Variants in PTK2 observed in about 807,000 individuals in gnomAD.
The protein encoded by PTK2 is focal adhesion kinase 1.
In PTK2, 45 loss-of-function variants were observed where a neutral mutation model predicts 150.1. The observed-to-expected ratio is 0.30, with a 90% CI of 0.24 to 0.38. PTK2 has a LOEUF of 0.38. Ranked by LOEUF, PTK2 falls within the 10% of genes least tolerant of loss-of-function variation. The pLI is 1.00. For missense variants in PTK2, 919 were observed against 1,307.3 expected (o/e 0.70, Z 4.58); for synonymous variants, 432 against 449.2 (o/e 0.96, Z 0.48).
intron 23 of PTK2, among the ~76,000 whole-genome samples, chr8:140,709,947 T>C (rs917607811): frequency 3.3e-5 from 5 of 152,024 alleles, no homozygotes; most frequent in African/African-American, 7.2e-5. Flanking sequence ...ATTCAACCAA[T>C]TGCAGATTGA....
chr8:140,913,930 C>T (rs992471345), intron 2 of PTK2, among the ~76,000 whole-genome samples: 4 of 152,024 alleles, frequency 2.6e-5, no homozygotes, highest in Non-Finnish European at 4.4e-5. Flanking sequence ...AGAATAAGAA[C>T]GTGGAAAATC....
rs2100059018 is a variant in PTK2 at position 140,746,749 on chromosome 8, G to GA, written c.1518+10dup. 1 of 1,580,658 alleles carries GA rather than the reference G, an allele frequency of 6.3e-7. No homozygotes were observed. Among genetic ancestry groups the GA allele is most frequent in the African/African-American group, 1.4e-5 (1 of 73,490 alleles). On this transcript the variant is annotated intron_variant, in intron 18 of 31. Transcript: ENST00000522684. Reference sequence around the variant, plus strand: ...CTGAGTCCAGAAGGTAAGATTTGGGGATCACAGTACCTCTCCAAGTGTGCA... The same window carrying GA: ...CTGAGTCCAGAAGGTAAGATTTGGGGAATCACAGTACCTCTCCAAGTGTGCA...
chr8:140,709,479 A>G (rs185942159), intron 23 of PTK2, among the ~76,000 whole-genome samples: 1 of 152,232 alleles, frequency 6.6e-6, no homozygotes, highest in South Asian at 2.1e-4. Context: ...TGTTCTCTAC[A>G]AATCAGAGGT....
intron 22 of PTK2, 67 bp from the exon 26 acceptor site, chr8:140,717,776 C>G (rs1471946829): frequency 8.0e-7 from 1 of 1,246,514 alleles, no homozygotes; most frequent in Non-Finnish European, 1.2e-6. Flanking sequence ...AGACCCCACC[C>G]TGAGTTATCT....
intron 26 of PTK2, among the ~76,000 whole-genome samples, chr8:140,697,790 C>T (rs371703716): frequency 2.8e-5 from 4 of 145,140 alleles, no homozygotes; most frequent in East Asian, 2.1e-4. Flanking sequence ...GGAGATTAGA[C>T]ATTTTAGATA....
At chr8:140,897,592 C>A (rs1327958087) in intron 2 of PTK2, among the ~76,000 whole-genome samples, 1 of 152,164 alleles carries the variant, frequency 6.6e-6, no homozygotes, top group East Asian at 1.9e-4. Flanking sequence ...GTTCTGAGAT[C>A]CTGGCATCTG....
At chr8:140,887,484 CTTA>C (rs2100152725) in intron 3 of PTK2, among the ~76,000 whole-genome samples, 3 of 152,100 alleles carry the variant, frequency 2.0e-5, no homozygotes, top group Admixed American at 2.0e-4. Context: ...AGCACTAATA[CTTA>C]TTAACTGAAG....
At chr8:140,824,799 GTTTGAACACC>G (rs2100110908) in intron 8 of PTK2, among the ~76,000 whole-genome samples, 1 of 152,200 alleles carries the variant, frequency 6.6e-6, no homozygotes, top group Non-Finnish European at 1.5e-5. Context: ...TGCATTTCAA[GTTTGAACACC>G]TGCTTGTGTT....
At chr8:140,671,776 A>C (rs1347514602) in intron 29 of PTK2, among the ~76,000 whole-genome samples, 2 of 150,982 alleles carry the variant, frequency 1.3e-5, no homozygotes, top group African/African-American at 4.9e-5. Context: ...AAAAAAAAAA[A>C]AAAAAATTAG....
chr8:140,875,595 A>ATTTTTCTC, intron 4 of PTK2, among the ~76,000 whole-genome samples: 1 of 152,288 alleles, frequency 6.6e-6, no homozygotes, highest in East Asian at 1.9e-4. Flanking sequence ...TATAAATATA[A>ATTTTTCTC]TTGGATGGCT....
chr8:140,978,495 G>A (rs374778484), intron 1 of PTK2, among the ~76,000 whole-genome samples: 1 of 148,372 alleles, frequency 6.7e-6, no homozygotes, highest in Non-Finnish European at 1.5e-5. Flanking sequence ...ATGCAGCCAA[G>A]AGACACATGA....
chr8:140,931,711 G>C (rs921767575), intron 1 of PTK2, among the ~76,000 whole-genome samples: 5 of 151,966 alleles, frequency 3.3e-5, no homozygotes, highest in African/African-American at 1.2e-4. Context: ...AAGGCAGGAG[G>C]ATCACTTGAG....
chr8:140,831,916 C>G (rs1011322922), intron 7 of PTK2, among the ~76,000 whole-genome samples: 1 of 152,158 alleles, frequency 6.6e-6, no homozygotes, highest in Non-Finnish European at 1.5e-5. Context: ...AATTTTTATG[C>G]CAATCACTAC....
chr8:140,863,781 G>A (rs1361831131), intron 5 of PTK2, among the ~76,000 whole-genome samples: 1 of 152,132 alleles, frequency 6.6e-6, no homozygotes, highest in Non-Finnish European at 1.5e-5. Context: ...ATTTATTTCT[G>A]CATTCCCGGT....
At chr8:140,662,539 A>G in intron 31 of PTK2, 1 of 401,978 alleles carries the variant, frequency 2.5e-6, no homozygotes. Context: ...GAAGCAGGTA[A>G]GTGAGAGAAC....
intron 14 of PTK2, among the ~76,000 whole-genome samples, chr8:140,785,487 A>G (rs558150381): frequency 5.9e-5 from 9 of 152,318 alleles, no homozygotes; most frequent in African/African-American, 2.2e-4. Flanking sequence ...GAGGAGGAAG[A>G]GTCCAGATCT....
chr8:140,956,923 T>C (rs933584052), intron 1 of PTK2, among the ~76,000 whole-genome samples: 4 of 152,008 alleles, frequency 2.6e-5, no homozygotes, highest in Non-Finnish European at 4.4e-5. Flanking sequence ...TAGCCGGGCA[T>C]GGTGACACAT....
intron 2 of PTK2, among the ~76,000 whole-genome samples, chr8:140,911,632 C>T (rs1296526999): frequency 6.6e-6 from 1 of 152,140 alleles, no homozygotes; most frequent in African/African-American, 2.4e-5. Context: ...ATCCTTATGA[C>T]TACCACCCTA....
exon 23 of PTK2, chr8:140,717,618 A>G (rs1329374344): frequency 6.2e-7 from 1 of 1,613,752 alleles, no homozygotes; most frequent in South Asian, 1.1e-5. Context: ...GCTTCATCAG[A>G]CCCTCCGGAG....
Sources: allele counts gnomAD v4.1 joint callset (sites outside exome capture counted in the v4.1 genomes callset), GRCh38; gene constraint gnomAD v4.1.1; transcripts MANE v1.5; gene names NCBI Gene and HGNC (gene_info 2026-07-23, HGNC 2026-07-21).